The following TWSG1 variants were observed in gnomAD, a reference collection of about 807,000 sequenced individuals.
The protein encoded by TWSG1 is twisted gastrulation protein homolog 1.
TWSG1 carries 15 observed loss-of-function variants against 23.0 expected under a neutral mutation model. That is an observed-to-expected ratio of 0.65 (90% CI 0.44 to 1.00). The LOEUF (loss-of-function observed/expected upper bound fraction) is 1.00. TWSG1 is among the 50% of genes least tolerant of loss of function. The pLI, the probability that TWSG1 is intolerant of heterozygous loss-of-function variation, is 0.00. For synonymous variants in TWSG1, 86 were observed against 92.8 expected, an observed-to-expected ratio of 0.93 and a Z score of 0.42; for missense variants, 242 against 278.7, an observed-to-expected ratio of 0.87 and a Z score of 0.94.
intron 2 of TWSG1, among the ~76,000 whole-genome samples, chr18:9,354,745 A>G (rs2040517107): frequency 6.6e-6 from 1 of 152,316 alleles, no homozygotes; most frequent in Non-Finnish European, 1.5e-5. Flanking sequence ...AAGGTAGTAT[A>G]TAATCATTAT....
In TWSG1 at chr18:9,349,144, G is replaced by GA. The variant is rs991017028; in HGVS notation, c.124-10818dup. The stretch of plus-strand genomic sequence containing the variant: ...GAGGGGTTTAGTTATCCTGTTTCAG[G>GA]AAAAAAAAAATTTGGTAATATGGGA... On this transcript the variant is annotated intron_variant, in intron 2 of 4. Coordinates refer to ENST00000262120, the MANE Select transcript of TWSG1 (RefSeq NM_020648.6). Among the ~76,000 whole-genome samples the GA allele has an allele frequency of 2.2e-3, 325 of 149,900 alleles. 5 individuals carry two copies. The highest frequency in any genetic ancestry group is 6.7e-3 in the African/African-American group (275 of 40,980).
At chr18:9,377,294 C>T (rs2040635180) in intron 3 of TWSG1, among the ~76,000 whole-genome samples, 1 of 151,942 alleles carries the variant, frequency 6.6e-6, no homozygotes, top group South Asian at 2.1e-4. Flanking sequence ...CCTCGGCTCA[C>T]TGCAACCTCC....
rs559607946 is a variant in TWSG1 at position 9,363,491 on chromosome 18, G to A, written c.223+3420G>A. Among the ~76,000 whole-genome samples the A allele has an allele frequency of 3.9e-5, 6 of 151,964 alleles. No homozygotes were observed. In the East Asian group the frequency reaches 1.2e-3, roughly 29 times the overall value. On this transcript the variant is annotated intron_variant, in intron 3 of 4. Coordinates refer to ENST00000262120, the MANE Select transcript of TWSG1 (RefSeq NM_020648.6). ...TCTTCCCCCACAACCTTTTTGTTTT[G>A]CTTAGGTATTACAAAGTAAATCATT...
intron 2 of TWSG1, among the ~76,000 whole-genome samples, chr18:9,341,048 C>T (rs911628443): frequency 1.3e-5 from 2 of 152,158 alleles, no homozygotes; most frequent in Non-Finnish European, 2.9e-5. Flanking sequence ...CTCCCTCTCT[C>T]CCTTTCACTC....
chr18:9,392,518 C>G (rs2040717388), intron 3 of TWSG1, among the ~76,000 whole-genome samples: 1 of 152,214 alleles, frequency 6.6e-6, no homozygotes, highest in Non-Finnish European at 1.5e-5. Flanking sequence ...CCAGACCACT[C>G]AAACTTTCTC....
chr18:9,361,201 T>A (rs1012889858), intron 3 of TWSG1, among the ~76,000 whole-genome samples: 1 of 152,242 alleles, frequency 6.6e-6, no homozygotes, highest in Non-Finnish European at 1.5e-5. Context: ...ATTAATTTTT[T>A]AAATTTTTAC....
chr18:9,360,445 A>C (rs543565053), intron 3 of TWSG1, among the ~76,000 whole-genome samples: 4 of 152,208 alleles, frequency 2.6e-5, no homozygotes, highest in Non-Finnish European at 5.9e-5. Flanking sequence ...AGTCAGGTTC[A>C]AAATTATGTT....
In TWSG1 at chr18:9,347,583, C is replaced by G. The variant is rs73399953; in HGVS notation, c.123+10231C>G. Among the ~76,000 whole-genome samples the G allele has an allele frequency of 8.5e-3, 1,284 of 151,844 alleles. 28 individuals carry two copies. The highest frequency in any genetic ancestry group is 0.029 in the African/African-American group (1,215 of 41,428). On this transcript the variant is annotated intron_variant, in intron 2 of 4. Transcript: ENST00000262120. ...TAAATTTATTTATCAGTATTTTATT[C>G]TTTTTGATGCTATTGTTAGTGGAAT...
chr18:9,353,627 A>G (rs1416150853), intron 2 of TWSG1, among the ~76,000 whole-genome samples: 1 of 152,246 alleles, frequency 6.6e-6, no homozygotes, highest in African/African-American at 2.4e-5. Flanking sequence ...CACATAGAAG[A>G]TGTCTTATTC....
chr18:9,335,728 G>A (rs1410994569), intron 1 of TWSG1, among the ~76,000 whole-genome samples: 1 of 152,172 alleles, frequency 6.6e-6, no homozygotes, highest in East Asian at 1.9e-4. Context: ...CCTCAGTAAC[G>A]ATCACCAGGG....
chr18:9,366,780 T>C (rs2040580880), intron 3 of TWSG1, among the ~76,000 whole-genome samples: 1 of 152,146 alleles, frequency 6.6e-6, no homozygotes, highest in South Asian at 2.1e-4. Context: ...AGATACATTA[T>C]TTATTATTAT....
intron 2 of TWSG1, among the ~76,000 whole-genome samples, chr18:9,356,693 C>T (rs1004677726): frequency 1.3e-5 from 2 of 152,042 alleles, no homozygotes; most frequent in African/African-American, 4.8e-5. Flanking sequence ...GCTCCAAAAT[C>T]GGAAACTTTC....
intron 3 of TWSG1, among the ~76,000 whole-genome samples, chr18:9,376,452 G>A (rs182062887): frequency 1.3e-5 from 2 of 152,264 alleles, no homozygotes; most frequent in East Asian, 3.9e-4. Flanking sequence ...TAGATGAAAG[G>A]AAAATAATAG....
chr18:9,399,300 G>A, intron 4 of TWSG1, 46 bp from the exon 5 acceptor site: 1 of 1,417,072 alleles, frequency 7.1e-7, no homozygotes, highest in Non-Finnish European at 9.5e-7. Context: ...TTATTTTTTT[G>A]TTTTTCTTCT....
At chr18:9,376,409 A>G (rs1484827659) in intron 3 of TWSG1, among the ~76,000 whole-genome samples, 3 of 152,236 alleles carry the variant, frequency 2.0e-5, no homozygotes, top group Non-Finnish European at 2.9e-5. Context: ...ACAGTAATCA[A>G]GACAGTGTGG....
At chr18:9,386,163 C>CAAA (rs879389343) in intron 3 of TWSG1, among the ~76,000 whole-genome samples, 1 of 128,874 alleles carries the variant, frequency 7.8e-6, no homozygotes, top group Non-Finnish European at 1.6e-5. Flanking sequence ...GAATCTGTCT[C>CAAA]AAAAAAAAAA....
rs142233403 is a variant in TWSG1 at position 9,380,409 on chromosome 18, G to C, written c.224-15871G>C. Among the ~76,000 whole-genome samples, 349 of 152,224 alleles carry C rather than the reference G, an allele frequency of 2.3e-3. 2 individuals carry two copies. Among genetic ancestry groups the C allele is most frequent in the African/African-American group, 8.1e-3 (336 of 41,538 alleles). On this transcript the variant is annotated intron_variant, in intron 3 of 4. Transcript: ENST00000262120. ...GCTCCGTGATCCATTATGTTACATG[G>C]CTTCTAGATGTTATACATTATTCAG... is the stretch of plus-strand genomic sequence containing the variant.
chr18:9,359,923 T>C (rs1328733991), intron 2 of TWSG1, 49 bp from the exon 3 acceptor site: 1 of 1,500,434 alleles, frequency 6.7e-7, no homozygotes, highest in African/African-American at 1.4e-5. Context: ...GTAGCAGTTT[T>C]ATATATGATT....
intron 3 of TWSG1, among the ~76,000 whole-genome samples, chr18:9,383,373 T>C (rs1238149048): frequency 1.3e-5 from 2 of 151,992 alleles, no homozygotes; most frequent in South Asian, 2.1e-4. Context: ...TTTGTATTTT[T>C]AGTAGAGACA....
Sources: gnomAD v4.1 joint callset for allele counts (sites outside exome capture counted in the v4.1 genomes callset) on GRCh38, gnomAD v4.1.1 for gene constraint, MANE v1.5 for transcripts, NCBI Gene and HGNC (gene_info 2026-07-23, HGNC 2026-07-21) for gene names.